The following CCDC85C variants were observed in gnomAD, a reference collection of about 807,000 sequenced individuals.
CCDC85C encodes coiled-coil domain containing 85C.
Under a neutral mutation model 38.3 loss-of-function variants are expected in CCDC85C, and 18 were observed. The observed-to-expected ratio is 0.47, with a 90% CI of 0.33 to 0.70. The LOEUF is 0.70. Among genes scored for constraint, CCDC85C ranks in the 30% least tolerant of loss-of-function variants. The pLI is 0.03. For synonymous variants in CCDC85C, 264 were observed against 293.8 expected (o/e 0.90, Z 1.04); for missense variants, 566 against 621.2 (o/e 0.91, Z 0.94).
At chr14:99,580,460 C>G (rs1416453213) in intron 1 of CCDC85C, among the ~76,000 whole-genome samples, 5 of 133,258 alleles carry the variant, frequency 3.8e-5, no homozygotes, top group African/African-American at 1.4e-4. Flanking sequence ...TGAGGGACGT[C>G]CCCAGTGAGG....
rs1044701670 is a variant in CCDC85C, at chr14:99,522,168, A to C, written c.940T>G (p.Ser314Ala). The C allele has an allele frequency of 2.6e-6, 4 of 1,550,966 alleles. No homozygotes were observed. Among genetic ancestry groups the C allele is most frequent in the Non-Finnish European group, 3.5e-6 (4 of 1,146,906 alleles). ...GAGTCCTGGTAGGAGGGCGGCAGGG[A>C]CGCAAGCTGGGACTCCGAGTGGTAG... ...SPYHSESQLA[S>A]LPPSYQDSLQ... is the part of the protein sequence containing the mutation. The change falls in exon 3 of 6, where the codon TCC becomes GCC. Residue 314 changes from serine (S) to alanine (A), a missense_variant. By Grantham distance (99) the Ser-to-Ala change is moderately conservative (BLOSUM62 1). Coordinates refer to ENST00000380243, the MANE Select transcript of CCDC85C (RefSeq NM_001144995.2).
chr14:99,506,856 GTGGGAAGCTCGCAGGTCTTT>G lies in CCDC85C; in HGVS notation c.*8370_*8389del, dbSNP rs1566753462. The G allele has an allele frequency of 7.7e-6, 4 of 522,320 alleles. No individual in the cohort carries two copies. The East Asian group carries it at 1.0e-4, about 13-fold the overall frequency. The allele number at this position is 522,320 out of a possible 1,614,324, so 32.4% of individuals were successfully genotyped here. A position where few individuals can be genotyped will look rare whatever the true frequency, so the allele number is the denominator to read the frequency against. On this transcript the variant is annotated 3_prime_UTR_variant, in exon 6 of 6. Transcript: ENST00000380243. ...GGTAGACATGGAAAATGGGCTGCCT[GTGGGAAGCTCGCAGGTCTTT>G]TGGAGGGAGGTGGCATTTAATTTGT... is the stretch of plus-strand genomic sequence containing the variant.
At chr14:99,584,754 T>G (rs2055009178) in intron 1 of CCDC85C, among the ~76,000 whole-genome samples, 1 of 152,222 alleles carries the variant, frequency 6.6e-6, no homozygotes, top group South Asian at 2.1e-4. Flanking sequence ...TCCACATAAC[T>G]GCCCCACTGC....
Position 99,507,056 on chromosome 14 carries a change from A to C in CCDC85C, c.*8190T>G. Reference sequence around the variant, plus strand: ...TGTGAAGAAGTATGAGTGGTTTTCTAATCTGCTTTTTCTTTGTAGAACCAC... The same window carrying C: ...TGTGAAGAAGTATGAGTGGTTTTCTCATCTGCTTTTTCTTTGTAGAACCAC... On this transcript the variant is annotated 3_prime_UTR_variant, in exon 6 of 6. Coordinates refer to ENST00000380243, the MANE Select transcript of CCDC85C (RefSeq NM_001144995.2). 4 of 1,506,088 alleles carry C rather than the reference A, an allele frequency of 2.7e-6. No individual in the cohort carries two copies. The highest frequency in any genetic ancestry group is 3.7e-6 in the Non-Finnish European group (4 of 1,081,772). 93.3% of individuals were successfully genotyped at this position (1,506,088 alleles called of 1,614,324 possible). A position where few individuals can be genotyped will look rare whatever the true frequency, so the allele number is the denominator to read the frequency against.
chr14:99,515,694 C>T (rs1204007210), intron 5 of CCDC85C, among the ~76,000 whole-genome samples: 1 of 152,144 alleles, frequency 6.6e-6, no homozygotes, highest in East Asian at 1.9e-4. Flanking sequence ...CTCCTGCAAG[C>T]ACCCCCAAGG....
chr14:99,584,672 A>G (rs77298062), intron 1 of CCDC85C, among the ~76,000 whole-genome samples: 11,399 of 152,330 alleles, frequency 0.075, 701 homozygotes, highest in African/African-American at 0.16. Context: ...ATCACATGGC[A>G]GACACTGAAA....
At chr14:99,580,129 G>A (rs1304257406) in intron 1 of CCDC85C, 2 of 455,732 alleles carry the variant, frequency 4.4e-6, no homozygotes, top group South Asian at 3.1e-5. Flanking sequence ...GAGCTGCTGG[G>A]ACAGACAGCC....
rs970882700 is a variant in CCDC85C, at chr14:99,548,838, G to T, written c.794-12750C>A. The stretch of plus-strand genomic sequence containing the variant: ...CAAAACAAAAACAAAACAAAAAGAT[G>T]AACCAAATACATCTCAAAAACATGA... On this transcript the variant is annotated intron_variant, in intron 1 of 5. Transcript: ENST00000380243. The surrounding 1 kb of genome is among the most constrained non-coding windows in gnomAD (Gnocchi z 4.9). 6.6e-6 allele frequency among the ~76,000 whole-genome samples: 1 copy of T among 152,188 alleles called. No homozygotes were observed. The highest frequency in any genetic ancestry group is 6.5e-5 in the Admixed American group (1 of 15,284).
At chr14:99,599,423 G>T (rs1057426166) in intron 1 of CCDC85C, among the ~76,000 whole-genome samples, 1 of 152,116 alleles carries the variant, frequency 6.6e-6, no homozygotes, top group African/African-American at 2.4e-5. Flanking sequence ...GGAGACAGGC[G>T]GAGGGGCAGC....
At chr14:99,527,816 G>C (rs1460788911) in intron 2 of CCDC85C, among the ~76,000 whole-genome samples, 1 of 152,272 alleles carries the variant, frequency 6.6e-6, no homozygotes, top group African/African-American at 2.4e-5. Flanking sequence ...AGACTTGCAA[G>C]CCTCTTCTCC....
intron 1 of CCDC85C, among the ~76,000 whole-genome samples, chr14:99,578,256 G>A (rs1164945996): frequency 6.7e-6 from 1 of 148,758 alleles, no homozygotes; most frequent in Non-Finnish European, 1.5e-5. Context: ...TTGTGTGTGT[G>A]TGTGAGTGTA....
chr14:99,530,682 G>A (rs1461854751), intron 2 of CCDC85C, among the ~76,000 whole-genome samples: 4 of 152,232 alleles, frequency 2.6e-5, no homozygotes, highest in East Asian at 1.9e-4. Flanking sequence ...GCCAGACCTC[G>A]AAAGATCCCA....
intron 1 of CCDC85C, among the ~76,000 whole-genome samples, chr14:99,567,293 C>G (rs978423122): frequency 2.0e-5 from 3 of 152,186 alleles, no homozygotes; most frequent in Non-Finnish European, 2.9e-5. Flanking sequence ...CCGCACAGAA[C>G]AGACCCACAG....
chr14:99,543,511 A>G (rs966824410), intron 1 of CCDC85C, among the ~76,000 whole-genome samples: 2 of 152,196 alleles, frequency 1.3e-5, no homozygotes, highest in African/African-American at 4.8e-5. Context: ...GGGGCAGAGA[A>G]CAGGGTGTGC....
chr14:99,531,591 G>T (rs1316044951), intron 2 of CCDC85C, among the ~76,000 whole-genome samples: 1 of 124,158 alleles, frequency 8.1e-6, no homozygotes, highest in African/African-American at 2.8e-5. Context: ...GGTGGGGGGG[G>T]GGGTGGGACC....
chr14:99,598,142 C>T (rs1158578292), intron 1 of CCDC85C, among the ~76,000 whole-genome samples: 1 of 152,186 alleles, frequency 6.6e-6, no homozygotes, highest in Non-Finnish European at 1.5e-5. Flanking sequence ...TCAGGGGCTG[C>T]CACCCGCCAG....
In CCDC85C at chr14:99,599,770, G is replaced by A. The variant is rs117729521; in HGVS notation, c.793+3397C>T. Among the ~76,000 whole-genome samples the A allele has an allele frequency of 1.1e-4, 16 of 152,282 alleles. No individual in the cohort carries two copies. In the East Asian group the frequency reaches 2.3e-3, roughly 22 times the overall value. ...CTGGGCATGGTAGCACACATCCCAG[G>A]AGGCCGAGGCAAGAGGATTACTTGA... On this transcript the variant is annotated intron_variant, in intron 1 of 5. Transcript: ENST00000380243.
intron 1 of CCDC85C, among the ~76,000 whole-genome samples, chr14:99,581,874 G>T (rs1020104754): frequency 6.6e-6 from 1 of 152,194 alleles, no homozygotes; most frequent in African/African-American, 2.4e-5. Context: ...ACTAAAACCT[G>T]CGTCTTCCCA....
intron 2 of CCDC85C, chr14:99,534,688 C>T (rs897934727): frequency 1.4e-6 from 1 of 702,262 alleles, no homozygotes; most frequent in African/African-American, 1.7e-5. Flanking sequence ...CCTTAGCAAC[C>T]ACAATGGCCC....
Sources: gnomAD v4.1 joint callset for allele counts (sites outside exome capture counted in the v4.1 genomes callset) on GRCh38, gnomAD v4.1.1 for gene constraint, Gnocchi (gnomAD v3.1) non-coding constraint, MANE v1.5 for transcripts, NCBI Gene and HGNC (gene_info 2026-07-23, HGNC 2026-07-21) for gene names.